CTNNA2: variants seen among roughly 807,000 people sequenced by gnomAD.
The protein encoded by CTNNA2 is catenin alpha 2, also known as catenin alpha-2.
In CTNNA2, 42 loss-of-function variants were observed where a neutral mutation model predicts 101.0. That is an observed-to-expected ratio of 0.42 (90% CI 0.32 to 0.54). The LOEUF is 0.54. Among genes scored for constraint, CTNNA2 ranks in the 20% least tolerant of loss-of-function variants. The pLI is 0.14. For missense variants in CTNNA2, 871 were observed against 1,223.1 expected (o/e 0.71, Z 4.29); for synonymous variants, 450 against 456.4 (o/e 0.99, Z 0.18).
chr2:79,458,736 AC>A lies in CTNNA2; in HGVS notation c.-134-46315del. ...GAGAATGAATTTTGGTTATAACCTT[AC>A]CCATTTTATTTTCCATCTCACACCA... is the stretch of plus-strand genomic sequence containing the variant. On this transcript the variant is annotated intron_variant, in intron 4 of 21. Coordinates refer to the CTNNA2 transcript ENST00000466387. 1.3e-5 allele frequency among the ~76,000 whole-genome samples: 2 copies of A among 152,282 alleles called. 1 individual carries two copies. Among genetic ancestry groups the A allele is most frequent in the South Asian group, 4.1e-4 (2 of 4,832 alleles).
At chr2:79,802,140 A>G (rs1249396118) in intron 3 of CTNNA2, among the ~76,000 whole-genome samples, 2 of 152,166 alleles carry the variant, frequency 1.3e-5, no homozygotes, top group Non-Finnish European at 2.9e-5. Context: ...GAGAAATTGC[A>G]TAGATTGGTG....
intron 2 of CTNNA2, among the ~76,000 whole-genome samples, chr2:79,264,088 T>C (rs1360709814): frequency 6.6e-6 from 1 of 152,162 alleles, no homozygotes; most frequent in Non-Finnish European, 1.5e-5. Context: ...CAATGTTTGT[T>C]TCAGAGAAAA....
At chr2:80,086,115 TA>T (rs572948168) in intron 7 of CTNNA2, among the ~76,000 whole-genome samples, 171 of 152,090 alleles carry the variant, frequency 1.1e-3, no homozygotes, top group African/African-American at 4.0e-3. Flanking sequence ...TTTGGCAATC[TA>T]AAAAAACAAT....
At chr2:80,488,840 G>A (rs1247054668) in intron 9 of CTNNA2, among the ~76,000 whole-genome samples, 1 of 152,152 alleles carries the variant, frequency 6.6e-6, no homozygotes, top group East Asian at 1.9e-4. Flanking sequence ...ACATTTCTTA[G>A]TGGAATAAAA....
At chr2:79,692,623 C>T (rs1407413607) in intron 2 of CTNNA2, among the ~76,000 whole-genome samples, 3 of 152,064 alleles carry the variant, frequency 2.0e-5, no homozygotes, top group Admixed American at 6.6e-5. Context: ...TGGAACCAAC[C>T]CAAATGCCCA....
intron 1 of CTNNA2, among the ~76,000 whole-genome samples, chr2:79,513,498 T>C (rs912563219): frequency 1.2e-4 from 18 of 152,090 alleles, no homozygotes; most frequent in East Asian, 1.9e-4. Context: ...CCATCTCTTC[T>C]TCCCCCCTTT....
chr2:80,469,870 A>G (rs1685150120), intron 9 of CTNNA2, among the ~76,000 whole-genome samples: 1 of 152,148 alleles, frequency 6.6e-6, no homozygotes, highest in Admixed American at 6.5e-5. Flanking sequence ...TCACTATCTT[A>G]TTTTTGGCTT....
At chr2:79,664,954 G>A (rs930843674) in intron 2 of CTNNA2, among the ~76,000 whole-genome samples, 1 of 151,856 alleles carries the variant, frequency 6.6e-6, no homozygotes, top group South Asian at 2.1e-4. Context: ...CTCGTGATCC[G>A]CCCGTCTCGG....
At chr2:79,744,678 A>C in intron 3 of CTNNA2, 96 bp downstream of exon 3, 1 of 1,213,972 alleles carries the variant, frequency 8.2e-7, no homozygotes, top group Non-Finnish European at 1.1e-6. Flanking sequence ...TCAAAGAAGA[A>C]GTCTTACGTT....
intron 7 of CTNNA2, among the ~76,000 whole-genome samples, chr2:80,076,473 A>C (rs1698759950): frequency 6.6e-6 from 1 of 151,738 alleles, no homozygotes; most frequent in South Asian, 2.1e-4. Context: ...TGTAAAACAG[A>C]GATCTCACTA....
intron 9 of CTNNA2, among the ~76,000 whole-genome samples, chr2:80,496,088 C>T (rs1249359520): frequency 6.6e-6 from 1 of 151,874 alleles, no homozygotes; most frequent in Non-Finnish European, 1.5e-5. Flanking sequence ...CCACCAGAGG[C>T]ACAGAAGAGG....
At chr2:80,284,260 G>T (rs1674588803) in intron 7 of CTNNA2, among the ~76,000 whole-genome samples, 1 of 152,092 alleles carries the variant, frequency 6.6e-6, no homozygotes, top group African/African-American at 2.4e-5. Flanking sequence ...AATACCACCA[G>T]ATAACACTCT....
chr2:79,502,517 G>A (rs1277147394), intron 4 of CTNNA2, among the ~76,000 whole-genome samples: 1 of 152,128 alleles, frequency 6.6e-6, no homozygotes, highest in East Asian at 1.9e-4. Flanking sequence ...AGTGAGAGAA[G>A]TACTAGAATC....
chr2:80,038,755 A>G (rs1695835986), intron 7 of CTNNA2, among the ~76,000 whole-genome samples: 1 of 152,246 alleles, frequency 6.6e-6, no homozygotes, highest in Non-Finnish European at 1.5e-5. Flanking sequence ...CTGAGGCACA[A>G]GAATTGCTTG....
At chr2:79,408,859 C>T (rs1678373391) in intron 4 of CTNNA2, among the ~76,000 whole-genome samples, 1 of 151,454 alleles carries the variant, frequency 6.6e-6, no homozygotes, top group South Asian at 2.1e-4. Context: ...GTTCTAGATC[C>T]CTGAGGAATC....
chr2:80,377,171 C>G (rs1559057480), intron 7 of CTNNA2, among the ~76,000 whole-genome samples: 1 of 152,174 alleles, frequency 6.6e-6, no homozygotes, highest in Non-Finnish European at 1.5e-5. Context: ...CTCAGATGCT[C>G]AAAGATTTCC....
chr2:79,565,808 G>T (rs1297895041), intron 1 of CTNNA2, among the ~76,000 whole-genome samples: 1 of 152,046 alleles, frequency 6.6e-6, no homozygotes, highest in African/African-American at 2.4e-5. Context: ...GGTTGTTGGA[G>T]ATAGGAATTT....
chr2:80,112,234 A>G (rs2148862968), intron 7 of CTNNA2, among the ~76,000 whole-genome samples: 1 of 152,330 alleles, frequency 6.6e-6, no homozygotes, highest in South Asian at 2.1e-4. Context: ...TTAAATGGCT[A>G]ACATTTAAAA....
intron 7 of CTNNA2, among the ~76,000 whole-genome samples, chr2:80,294,755 T>A (rs1482654854): frequency 6.6e-6 from 1 of 152,192 alleles, no homozygotes; most frequent in Non-Finnish European, 1.5e-5. Flanking sequence ...GGCTCCCAAG[T>A]GGTTCCAGTG....
Sources: allele counts gnomAD v4.1 joint callset (sites outside exome capture counted in the v4.1 genomes callset), GRCh38; gene constraint gnomAD v4.1.1; transcripts MANE v1.5; gene names NCBI Gene and HGNC (gene_info 2026-07-23, HGNC 2026-07-21).